MGST1: variants seen among roughly 807,000 people sequenced by gnomAD.
MGST1 encodes the protein microsomal glutathione S-transferase 1.
Under a neutral mutation model 8.9 loss-of-function variants are expected in MGST1, and 5 were observed. The observed-to-expected ratio is 0.56, with a 90% CI of 0.29 to 1.19. The LOEUF is 1.19. Among genes scored for constraint, MGST1 ranks in the 50% most tolerant of loss-of-function variants. The pLI is 0.08. For missense variants in MGST1, 182 were observed against 187.4 expected (o/e 0.97, Z 0.17); for synonymous variants, 54 against 67.8 (o/e 0.80, Z 1.00).
intron 4 of MGST1, among the ~76,000 whole-genome samples, chr12:16,527,082 C>A (rs1941692089): frequency 6.6e-6 from 1 of 151,908 alleles, no homozygotes; most frequent in Admixed American, 6.6e-5. Flanking sequence ...AAACGGTGGC[C>A]CTTCATGTTT....
chr12:16,560,557 T>G lies in MGST1; in HGVS notation n.483-28971T>G. On this transcript the variant is annotated intron_variant and non_coding_transcript_variant, in intron 4 of 4. Coordinates refer to the MGST1 transcript ENST00000538857. This position sits in a 1 kb window ranked among gnomAD's most constrained non-coding sequence, Gnocchi z 5.0. ...AAAGAGCCTAGAATAAGAAACATTT[T>G]TTTTTTTTTACAAACTCTTACAGAG... 1 of 1,601,218 alleles carries G rather than the reference T, an allele frequency of 6.2e-7. No individual in the cohort carries two copies. Among genetic ancestry groups the G allele is most frequent in the Non-Finnish European group, 8.5e-7 (1 of 1,175,794 alleles).
chr12:16,372,282 T>A lies in MGST1; in HGVS notation c.222-3840T>A, dbSNP rs1940305746. ...GAGAAAATATTTGCAAATATCCATA[T>A]GATAAGAGATTAATAACAAGAACAT... is the stretch of plus-strand genomic sequence containing the variant. On this transcript the variant is annotated intron_variant, in intron 3 of 3. Transcript: ENST00000535309. Among the ~76,000 whole-genome samples the A allele has an allele frequency of 2.6e-5, 4 of 151,986 alleles. No individual in the cohort carries two copies. The South Asian group carries it at 8.3e-4, about 32-fold the overall frequency.
At chr12:16,543,882 C>A (rs944726263) in intron 4 of MGST1, among the ~76,000 whole-genome samples, 4 of 151,990 alleles carry the variant, frequency 2.6e-5, no homozygotes, top group Admixed American at 2.6e-4. Context: ...AAAATATAGT[C>A]TTGTCAAATA....
chr12:16,350,146 G>T (rs9332888), intron 1 of MGST1, among the ~76,000 whole-genome samples: 3,011 of 152,266 alleles, frequency 0.02, 101 homozygotes, highest in African/African-American at 0.069. Context: ...TCCCAGAGAA[G>T]TTAAGTTACA....
Position 16,576,800 on chromosome 12 carries a change from T to C in MGST1, n.483-12728T>C, listed in dbSNP as rs534633112. ...GACCCCTAGATTAGTACCATCTATT[T>C]TTAAATACCATTTTAAATTCAGTGT... On this transcript the variant is annotated intron_variant and non_coding_transcript_variant, in intron 4 of 4. Transcript: ENST00000538857. This position sits in a 1 kb window ranked among gnomAD's most constrained non-coding sequence, Gnocchi z 4.1. 2.0e-5 allele frequency among the ~76,000 whole-genome samples: 3 copies of C among 152,358 alleles called. No individual in the cohort carries two copies. The South Asian group carries it at 6.2e-4, about 32-fold the overall frequency.
chr12:16,394,565 TCTTTCTTTCTTC>T (rs1940588229), intron 1 of MGST1, among the ~76,000 whole-genome samples: 1 of 48,924 alleles, frequency 2.0e-5, no homozygotes, highest in African/African-American at 5.6e-5. Context: ...TTTCTTTCTT[TCTTTCTTTCTTC>T]TCTCTGTCTC....
At position 16,544,202 on chromosome 12, in the gene MGST1, T is replaced by G. The variant is rs1370304388; in HGVS notation, n.483-45326T>G. Among the ~76,000 whole-genome samples, 2 of 143,820 alleles carry G rather than the reference T, an allele frequency of 1.4e-5. No individual in the cohort carries two copies. The highest frequency in any genetic ancestry group is 3.0e-5 in the Non-Finnish European group (2 of 66,448). The allele number at this position is 143,820 out of a possible 152,430, so 94.4% of individuals were successfully genotyped here. On this transcript the variant is annotated intron_variant and non_coding_transcript_variant, in intron 4 of 4. Transcript: ENST00000538857. This position sits in a 1 kb window ranked among gnomAD's most constrained non-coding sequence, Gnocchi z 4.8. ...GTCTTTCAAAACAAACTTTTTAAAT[T>G]GACACCTTAAGTAAGAACTACACAC... is the stretch of plus-strand genomic sequence containing the variant.
At chr12:16,570,283 G>C (rs938355138) in intron 4 of MGST1, among the ~76,000 whole-genome samples, 4 of 152,146 alleles carry the variant, frequency 2.6e-5, no homozygotes, top group African/African-American at 7.2e-5. Context: ...TATCTTTACA[G>C]ACTTCTTAGA....
intron 4 of MGST1, among the ~76,000 whole-genome samples, chr12:16,530,817 G>C (rs61915326): frequency 0.027 from 4,074 of 152,110 alleles, 90 homozygotes; most frequent in Middle Eastern, 0.058. Flanking sequence ...TTGAATGAAG[G>C]AACTTTTCCA....
intron 4 of MGST1, among the ~76,000 whole-genome samples, chr12:16,566,306 G>C (rs559880176): frequency 6.6e-6 from 1 of 151,816 alleles, no homozygotes; most frequent in South Asian, 2.1e-4. Flanking sequence ...TGACAGTTAA[G>C]AGAAATAAGT....
chr12:16,427,739 C>T (rs1295531418), intron 1 of MGST1, among the ~76,000 whole-genome samples: 1 of 152,124 alleles, frequency 6.6e-6, no homozygotes, highest in Non-Finnish European at 1.5e-5. Context: ...TTGATACTGG[C>T]TATTGAGCTT....
At chr12:16,494,651 A>G (rs1484060132) in intron 4 of MGST1, among the ~76,000 whole-genome samples, 2 of 152,168 alleles carry the variant, frequency 1.3e-5, no homozygotes, top group African/African-American at 2.4e-5. Flanking sequence ...TGGGACCTGT[A>G]TGGCTATTAA....
chr12:16,489,135 A>T (rs562731800), intron 4 of MGST1, among the ~76,000 whole-genome samples: 16 of 151,576 alleles, frequency 1.1e-4, no homozygotes, highest in South Asian at 4.2e-4. Context: ...AATAAATAAA[A>T]AATAAATAGG....
intron 1 of MGST1, among the ~76,000 whole-genome samples, chr12:16,391,983 C>T (rs1034959103): frequency 2.0e-5 from 3 of 152,144 alleles, no homozygotes; most frequent in Non-Finnish European, 2.9e-5. Context: ...TATCTTAGCC[C>T]CATTTACCAA....
chr12:16,490,011 C>A (rs531737109), intron 4 of MGST1, among the ~76,000 whole-genome samples: 23 of 152,134 alleles, frequency 1.5e-4, no homozygotes, highest in African/African-American at 2.9e-4. Flanking sequence ...GTCTATAATC[C>A]CAGCACTTTG....
chr12:16,514,442 G>A (rs10846373), intron 4 of MGST1: 33,320 of 270,872 alleles, frequency 0.12, 2,453 homozygotes, highest in Middle Eastern at 0.22. Flanking sequence ...TTAGCATGCA[G>A]ACTCAGCTGG....
chr12:16,432,280 C>T (rs996599503), intron 1 of MGST1, among the ~76,000 whole-genome samples: 1 of 152,104 alleles, frequency 6.6e-6, no homozygotes, highest in African/African-American at 2.4e-5. Flanking sequence ...AATTCAATGT[C>T]GTTCTGCCAG....
intron 1 of MGST1, among the ~76,000 whole-genome samples, chr12:16,420,235 G>A (rs945862916): frequency 3.3e-5 from 5 of 152,176 alleles, no homozygotes; most frequent in African/African-American, 1.2e-4. Flanking sequence ...ACATCATCAA[G>A]ATGCCCACTT....
chr12:16,508,087 T>C (rs1941552331), intron 4 of MGST1, among the ~76,000 whole-genome samples: 1 of 152,112 alleles, frequency 6.6e-6, no homozygotes, highest in Admixed American at 6.6e-5. Flanking sequence ...GTACTTAGGG[T>C]CTCAGTGCCC....
Sources: gnomAD v4.1 joint callset for allele counts (sites outside exome capture counted in the v4.1 genomes callset) on GRCh38, gnomAD v4.1.1 for gene constraint, Gnocchi (gnomAD v3.1) non-coding constraint, MANE v1.5 for transcripts, NCBI Gene and HGNC (gene_info 2026-07-23, HGNC 2026-07-21) for gene names.